UMAD1: variants seen among roughly 807,000 people sequenced by gnomAD.
UMAD1 encodes UBAP1-MVB12-associated (UMA)-domain containing protein 1.
A neutral mutation model predicts 6.1 loss-of-function variants in UMAD1; 8 were observed. The observed-to-expected ratio is 1.30, with a 90% CI of 0.76 to 2.35. UMAD1 has a LOEUF of 2.35. Among genes scored for constraint, UMAD1 ranks in the 30% most tolerant of loss-of-function variants. UMAD1 has a pLI of 0.00. For synonymous variants in UMAD1, 56 were observed against 31.4 expected (o/e 1.78, Z -2.61); for missense variants, 130 against 78.4 (o/e 1.66, Z -2.49).
intron 2 of UMAD1, among the ~76,000 whole-genome samples, chr7:7,719,468 T>C (rs1054499051): frequency 2.0e-5 from 3 of 152,326 alleles, no homozygotes; most frequent in African/African-American, 7.2e-5. Flanking sequence ...CATGAGCACA[T>C]GTTTCTTCAA....
In UMAD1 at chr7:7,877,846, C is replaced by T. The variant is rs1200425448; in HGVS notation, c.*308C>T. On this transcript the variant is annotated 3_prime_UTR_variant, in exon 4 of 4. Transcript: ENST00000682710. ...ACACCTCAAATTTATCTTAGAAGAA[C>T]TGTGAAAAAGAATTGTGGCATTTTT... 2 of 284,288 alleles carry T rather than the reference C, an allele frequency of 7.0e-6. No individual in the cohort carries two copies. The highest frequency in any genetic ancestry group is 4.4e-5 in the African/African-American group (2 of 45,488). 17.6% of individuals were successfully genotyped at this position (284,288 alleles called of 1,614,324 possible).
At chr7:7,726,580 A>G (rs905671955) in intron 2 of UMAD1, among the ~76,000 whole-genome samples, 6 of 152,212 alleles carry the variant, frequency 3.9e-5, no homozygotes, top group Non-Finnish European at 1.5e-5. Flanking sequence ...AGGTCCAGGA[A>G]TCAAGGGGTG....
intron 2 of UMAD1, among the ~76,000 whole-genome samples, chr7:7,698,203 A>T (rs562032443): frequency 6.6e-6 from 1 of 152,348 alleles, no homozygotes; most frequent in East Asian, 1.9e-4. Flanking sequence ...TATATGCTTC[A>T]TTAGTGTTTT....
chr7:7,739,706 G>A (rs903343596), intron 2 of UMAD1, among the ~76,000 whole-genome samples: 4 of 152,140 alleles, frequency 2.6e-5, no homozygotes, highest in African/African-American at 9.7e-5. Flanking sequence ...TGTTAAAAAT[G>A]GAAACTGTAA....
intron 2 of UMAD1, among the ~76,000 whole-genome samples, chr7:7,793,701 C>G (rs1409476043): frequency 6.6e-6 from 1 of 151,988 alleles, no homozygotes; most frequent in Non-Finnish European, 1.5e-5. Flanking sequence ...AAAAGGCAGC[C>G]ATGAAAAAAC....
intron 1 of UMAD1, among the ~76,000 whole-genome samples, chr7:7,646,629 CAG>C (rs1390161486): frequency 6.6e-6 from 1 of 151,814 alleles, no homozygotes; most frequent in East Asian, 1.9e-4. Flanking sequence ...TACCCAGTCT[CAG>C]GGGTGTCTTT....
intron 3 of UMAD1, among the ~76,000 whole-genome samples, chr7:7,867,049 C>A (rs2115337358): frequency 6.6e-6 from 1 of 152,246 alleles, no homozygotes; most frequent in South Asian, 2.1e-4. Context: ...AAAGATGATA[C>A]AGGTTTCTGT....
chr7:7,861,984 ATTG>A (rs1446548173), intron 3 of UMAD1, among the ~76,000 whole-genome samples: 1 of 152,154 alleles, frequency 6.6e-6, no homozygotes, highest in Non-Finnish European at 1.5e-5. Flanking sequence ...AACTGTATTC[ATTG>A]TTGTTTGTCA....
chr7:7,709,772 C>A (rs1780705105), intron 2 of UMAD1, among the ~76,000 whole-genome samples: 1 of 149,364 alleles, frequency 6.7e-6, no homozygotes, highest in Non-Finnish European at 1.5e-5. Context: ...TGAAAAATAA[C>A]CTTTTAAAGT....
chr7:7,858,370 T>C (rs1289291551), intron 3 of UMAD1, among the ~76,000 whole-genome samples: 1 of 152,208 alleles, frequency 6.6e-6, no homozygotes, highest in Non-Finnish European at 1.5e-5. Flanking sequence ...GAATTCTGAT[T>C]ATCAACTCAC....
intron 3 of UMAD1, among the ~76,000 whole-genome samples, chr7:7,832,991 G>C (rs1783493734): frequency 6.6e-6 from 1 of 152,162 alleles, no homozygotes; most frequent in Non-Finnish European, 1.5e-5. Flanking sequence ...GGATCTACTA[G>C]AACATAGGTT....
intron 1 of UMAD1, among the ~76,000 whole-genome samples, chr7:7,654,441 G>A (rs950988102): frequency 6.6e-6 from 1 of 152,114 alleles, no homozygotes; most frequent in African/African-American, 2.4e-5. Flanking sequence ...GTTATCCTTC[G>A]GTATCCCTAG....
intron 2 of UMAD1, among the ~76,000 whole-genome samples, chr7:7,700,481 G>A (rs564846900): frequency 2.0e-5 from 3 of 152,212 alleles, no homozygotes; most frequent in African/African-American, 7.2e-5. Flanking sequence ...ATCCCAGTTT[G>A]TGGGAGGCCA....
intron 2 of UMAD1, among the ~76,000 whole-genome samples, chr7:7,684,775 C>T (rs1168818450): frequency 1.3e-5 from 2 of 152,160 alleles, no homozygotes; most frequent in East Asian, 3.8e-4. Context: ...ACTTTTCAAA[C>T]CAACATCTGA....
At chr7:7,860,593 T>C (rs10244011) in intron 3 of UMAD1, among the ~76,000 whole-genome samples, 64,363 of 113,176 alleles carry the variant, frequency 0.57, 16,421 homozygotes, top group African/African-American at 0.66. Flanking sequence ...ACCCTGTGTC[T>C]ACTAAAAATA....
intron 2 of UMAD1, among the ~76,000 whole-genome samples, chr7:7,800,040 T>C (rs779356045): frequency 6.6e-6 from 1 of 152,158 alleles, no homozygotes; most frequent in Non-Finnish European, 1.5e-5. Flanking sequence ...TGTGCCACCA[T>C]GTCCAGCTAA....
At chr7:7,834,344 A>G (rs1310123042) in intron 3 of UMAD1, among the ~76,000 whole-genome samples, 1 of 151,798 alleles carries the variant, frequency 6.6e-6, no homozygotes, top group Non-Finnish European at 1.5e-5. Context: ...TTTCTAGATA[A>G]CCTGATATGA....
intron 2 of UMAD1, among the ~76,000 whole-genome samples, chr7:7,716,614 C>A (rs938953409): frequency 6.6e-6 from 1 of 152,194 alleles, no homozygotes; most frequent in African/African-American, 2.4e-5. Flanking sequence ...ATGGTGCTGG[C>A]CAGGTAGCAA....
chr7:7,658,569 C>A (rs1238808951), intron 1 of UMAD1, among the ~76,000 whole-genome samples: 3 of 152,094 alleles, frequency 2.0e-5, no homozygotes, highest in Non-Finnish European at 4.4e-5. Context: ...TTGAGATAGT[C>A]ATGTGGTTTT....
Sources: gnomAD v4.1 joint callset for allele counts (sites outside exome capture counted in the v4.1 genomes callset) on GRCh38, gnomAD v4.1.1 for gene constraint, MANE v1.5 for transcripts, NCBI Gene and HGNC (gene_info 2026-07-23, HGNC 2026-07-21) for gene names.